PLXDC2: variants seen among roughly 807,000 people sequenced by gnomAD.
PLXDC2 encodes the protein plexin domain-containing protein 2.
A neutral mutation model predicts 68.9 loss-of-function variants in PLXDC2; 40 were observed. The ratio of observed to expected loss-of-function variants is 0.58; its 90% CI spans 0.45 to 0.76. PLXDC2 has a LOEUF of 0.76. PLXDC2 is among the 30% of genes least tolerant of loss of function. PLXDC2 has a pLI of 0.00. For synonymous variants in PLXDC2, 243 were observed against 234.2 expected (o/e 1.04, Z -0.34); for missense variants, 644 against 661.9 (o/e 0.97, Z 0.30).
At chr10:20,146,488 T>TTTCC (rs34150409) in intron 5 of PLXDC2, among the ~76,000 whole-genome samples, 6,927 of 81,306 alleles carry the variant, frequency 0.085, 388 homozygotes, top group Non-Finnish European at 0.099. Flanking sequence ...TTCTTTTCTT[T>TTTCC]TTCCTTCCTT....
At chr10:19,877,985 AATG>A (rs1205360737) in intron 1 of PLXDC2, among the ~76,000 whole-genome samples, 2 of 152,236 alleles carry the variant, frequency 1.3e-5, no homozygotes, top group Non-Finnish European at 1.5e-5. Context: ...TATGTCCCAT[AATG>A]ATCAACCCTG....
At chr10:20,228,020 G>A (rs375859987) in intron 12 of PLXDC2, among the ~76,000 whole-genome samples, 104 of 152,140 alleles carry the variant, frequency 6.8e-4, no homozygotes, top group Admixed American at 1.6e-3. Context: ...GGACATGGGC[G>A]TAAGTTATCT....
chr10:19,993,233 T>C (rs758528742), intron 1 of PLXDC2, among the ~76,000 whole-genome samples: 6 of 152,202 alleles, frequency 3.9e-5, no homozygotes, highest in Non-Finnish European at 5.9e-5. Context: ...GATGTAGCAA[T>C]ACCTTACAGT....
intron 9 of PLXDC2, among the ~76,000 whole-genome samples, chr10:20,184,376 T>C (rs1198358512): frequency 2.7e-5 from 4 of 147,618 alleles, no homozygotes; most frequent in Non-Finnish European, 4.5e-5. Context: ...AATATATAAA[T>C]TATATTATAT....
chr10:20,204,513 T>C (rs1165372747), intron 9 of PLXDC2, among the ~76,000 whole-genome samples: 1 of 152,172 alleles, frequency 6.6e-6, no homozygotes, highest in East Asian at 1.9e-4. Context: ...GCACAGTTGA[T>C]GTTTCCATTA....
chr10:20,279,839 C>T lies in PLXDC2; in HGVS notation c.*20C>T, dbSNP rs200129518. The T allele has an allele frequency of 7.7e-5, 124 of 1,601,714 alleles. No individual in the cohort carries two copies. In the East Asian group the frequency reaches 2.7e-3, roughly 35 times the overall value. ...TGCTAAAATTTCTAGGACAGAACAA[C>T]ACCAGTACTGGTTTACAGGTGTTAA... is the stretch of plus-strand genomic sequence containing the variant. On this transcript the variant is annotated 3_prime_UTR_variant, in exon 14 of 14. Transcript: ENST00000377252.
At chr10:20,251,320 T>C (rs933211715) in intron 13 of PLXDC2, among the ~76,000 whole-genome samples, 3 of 152,216 alleles carry the variant, frequency 2.0e-5, no homozygotes, top group Admixed American at 2.0e-4. Context: ...CAAGAATGTC[T>C]ACATATGCTT....
At chr10:19,873,457 C>A (rs376274817) in intron 1 of PLXDC2, among the ~76,000 whole-genome samples, 33 of 139,338 alleles carry the variant, frequency 2.4e-4, no homozygotes, top group East Asian at 1.5e-3. Flanking sequence ...CTTACCCAGG[C>A]TGTAGTGCAG....
At chr10:19,997,724 T>C (rs1484555522) in intron 1 of PLXDC2, among the ~76,000 whole-genome samples, 1 of 152,206 alleles carries the variant, frequency 6.6e-6, no homozygotes, top group Non-Finnish European at 1.5e-5. Flanking sequence ...CTGCAAGATT[T>C]GCAAAGAATA....
intron 7 of PLXDC2, among the ~76,000 whole-genome samples, chr10:20,167,211 C>T (rs895274382): frequency 6.6e-6 from 1 of 152,234 alleles, no homozygotes; most frequent in African/African-American, 2.4e-5. Context: ...TTTGGGAACA[C>T]AAAATTTTAT....
At chr10:20,132,070 C>G (rs1159238739) in intron 4 of PLXDC2, among the ~76,000 whole-genome samples, 1 of 152,242 alleles carries the variant, frequency 6.6e-6, no homozygotes, top group African/African-American at 2.4e-5. Context: ...CTCAAGATAT[C>G]TTTTAAGATC....
chr10:20,084,652 T>C (rs1233599942), intron 4 of PLXDC2, among the ~76,000 whole-genome samples: 4 of 152,046 alleles, frequency 2.6e-5, no homozygotes, highest in Non-Finnish European at 5.9e-5. Context: ...TAAACTAGCC[T>C]CTGGCCTTAT....
chr10:20,230,692 T>TGAAAAAAAAAAAAAA (rs1835349716), intron 12 of PLXDC2, among the ~76,000 whole-genome samples: 1 of 2,658 alleles, frequency 3.8e-4, no homozygotes. Flanking sequence ...AGACCTTGTC[T>TGAAAAAAAAAAAAAA]CAAAAAAAAA....
intron 13 of PLXDC2, among the ~76,000 whole-genome samples, chr10:20,246,729 AT>A (rs1835601154): frequency 6.6e-6 from 1 of 152,242 alleles, no homozygotes; most frequent in Non-Finnish European, 1.5e-5. Flanking sequence ...TACTAAAGCA[AT>A]AAAAGAAATC....
At chr10:20,044,147 TTTCC>T (rs1271833129) in intron 2 of PLXDC2, among the ~76,000 whole-genome samples, 12 of 29,780 alleles carry the variant, frequency 4.0e-4, no homozygotes, top group Non-Finnish European at 8.2e-4. Context: ...TCTCTCTCTT[TTTCC>T]TTCCTTCCTT....
At chr10:19,880,835 A>G (rs1025949488) in intron 1 of PLXDC2, among the ~76,000 whole-genome samples, 4 of 152,222 alleles carry the variant, frequency 2.6e-5, no homozygotes, top group Non-Finnish European at 5.9e-5. Flanking sequence ...TTAACATACT[A>G]TAGGAATCAG....
At chr10:19,832,863 G>A (rs548417202) in intron 1 of PLXDC2, among the ~76,000 whole-genome samples, 1 of 152,184 alleles carries the variant, frequency 6.6e-6, no homozygotes, top group South Asian at 2.1e-4. Flanking sequence ...CTAAAAGGAC[G>A]CTTTTGACGC....
At chr10:19,987,392 C>T (rs187017475) in intron 1 of PLXDC2, among the ~76,000 whole-genome samples, 2 of 152,200 alleles carry the variant, frequency 1.3e-5, no homozygotes, top group Admixed American at 6.5e-5. Context: ...TGCATCCCGC[C>T]GTCCCAGAAC....
intron 4 of PLXDC2, among the ~76,000 whole-genome samples, chr10:20,120,151 C>G (rs1216912515): frequency 6.6e-6 from 1 of 152,066 alleles, no homozygotes; most frequent in Non-Finnish European, 1.5e-5. Context: ...TATGACTAGA[C>G]AGAAGATAGT....
Sources: gnomAD v4.1 joint callset for allele counts (sites outside exome capture counted in the v4.1 genomes callset) on GRCh38, gnomAD v4.1.1 for gene constraint, MANE v1.5 for transcripts, NCBI Gene and HGNC (gene_info 2026-07-23, HGNC 2026-07-21) for gene names.